Variants in MS4A13 observed in about 807,000 individuals in gnomAD.
The protein encoded by MS4A13 is membrane-spanning 4-domains subfamily A member 13.
MS4A13 carries 21 observed loss-of-function variants against 18.4 expected under a neutral mutation model. The observed-to-expected ratio is 1.14, with a 90% confidence interval of 0.81 to 1.64. The LOEUF (loss-of-function observed/expected upper bound fraction) is 1.64. Among genes scored for constraint, MS4A13 ranks in the 40% most tolerant of loss-of-function variants. The probability of loss-of-function intolerance (pLI) is 0.00; values close to 1 mark genes in which losing one functional copy is unlikely to be tolerated. For synonymous variants in MS4A13, 62 were observed against 57.2 expected, an observed-to-expected ratio of 1.08 and a Z score of -0.38; for missense variants, 173 against 176.8, an observed-to-expected ratio of 0.98 and a Z score of 0.12.
At chr11:60,527,863 A>G (rs2086731560) in intron 5 of MS4A13, among the ~76,000 whole-genome samples, 2 of 152,192 alleles carry the variant, frequency 1.3e-5, no homozygotes, top group Admixed American at 1.3e-4. Context: ...AAAATTAAAA[A>G]AAATAAGGAA....
chr11:60,533,242 C>A, intron 6 of MS4A13, among the ~76,000 whole-genome samples: 2 of 48,398 alleles, frequency 4.1e-5, no homozygotes, highest in African/African-American at 1.2e-4. Flanking sequence ...GGAGGACATT[C>A]AAACCAAAGG....
rs373423561 is a variant in MS4A13 at position 60,532,189 on chromosome 11, C to G, written c.402+2729C>G. On this transcript the variant is annotated intron_variant, in intron 6 of 6. Coordinates refer to ENST00000378186, the MANE Select transcript of MS4A13 (RefSeq NM_001012417.3). ...AGGAGCCAAGATGGCCGAATAGGAACAGCTCCGGTCTACAGCTCCCAGCAT... is the reference window on the plus strand; with the variant it reads ...AGGAGCCAAGATGGCCGAATAGGAAGAGCTCCGGTCTACAGCTCCCAGCAT... 1.1e-3 allele frequency among the ~76,000 whole-genome samples: 167 copies of G among 152,354 alleles called. 3 individuals carry two copies. In the East Asian group the frequency reaches 0.027, roughly 25 times the overall value.
chr11:60,520,428 G>C (rs749380452), intron 3 of MS4A13, among the ~76,000 whole-genome samples: 1 of 152,174 alleles, frequency 6.6e-6, no homozygotes, highest in Non-Finnish European at 1.5e-5. Context: ...AAAATCAATA[G>C]CAAGTTAGTT....
rs1201569883 is a variant in MS4A13, at chr11:60,529,327, T to C, written c.307-38T>C. On this transcript the variant is annotated intron_variant, in intron 5 of 6. Transcript: ENST00000378186. ...TGATCATGTTTGCACTCACTAAAGATAATAGCATTAAGATTTCTCCCTGTT... is the reference window on the plus strand; with the variant it reads ...TGATCATGTTTGCACTCACTAAAGACAATAGCATTAAGATTTCTCCCTGTT... 3 of 1,074,230 alleles carry C rather than the reference T, an allele frequency of 2.8e-6. No individual in the cohort carries two copies. In the South Asian group the frequency reaches 4.0e-5, roughly 14 times the overall value. 66.5% of individuals were successfully genotyped at this position (1,074,230 alleles called of 1,614,324 possible).
In MS4A13 at chr11:60,542,689, C is replaced by A. The variant is rs985408100; in HGVS notation, c.*114C>A. On this transcript the variant is annotated 3_prime_UTR_variant, in exon 7 of 7. Coordinates refer to ENST00000378186, the MANE Select transcript of MS4A13 (RefSeq NM_001012417.3). Reference sequence around the variant, plus strand: ...TACAGATTTTGTGCAAAATAAAATACAAACAAGGTGAATTTTTCTCCTCAT... The same window carrying A: ...TACAGATTTTGTGCAAAATAAAATAAAAACAAGGTGAATTTTTCTCCTCAT... 1 of 576,722 alleles carries A rather than the reference C, an allele frequency of 1.7e-6. No individual in the cohort carries two copies. The highest frequency in any genetic ancestry group is 3.3e-5 in the Admixed American group (1 of 30,592). The allele number at this position is 576,722 out of a possible 1,614,324, so 35.7% of individuals were successfully genotyped here. A position where few individuals can be genotyped will look rare whatever the true frequency, so the allele number is the denominator to read the frequency against.
intron 6 of MS4A13, among the ~76,000 whole-genome samples, chr11:60,539,207 A>T (rs1029738111): frequency 2.1e-5 from 3 of 145,636 alleles, no homozygotes; most frequent in Non-Finnish European, 4.6e-5. Context: ...AAAAAAAAAA[A>T]ATTTAGTAAA....
At chr11:60,524,573 T>C (rs6591596) in intron 4 of MS4A13, among the ~76,000 whole-genome samples, 145,171 of 152,076 alleles carry the variant, frequency 0.95, 69,660 homozygotes, top group East Asian at 1. Flanking sequence ...TTTCCACTTT[T>C]TTTTTTTTCT....
intron 3 of MS4A13, among the ~76,000 whole-genome samples, chr11:60,521,046 G>A (rs1189187623): frequency 6.6e-6 from 1 of 152,218 alleles, no homozygotes; most frequent in Non-Finnish European, 1.5e-5. Flanking sequence ...CGCACCCTCT[G>A]AGGCCATGGC....
Position 60,523,138 on chromosome 11 carries a change from G to A in MS4A13, c.130-759G>A, listed in dbSNP as rs1261497702. On this transcript the variant is annotated intron_variant, in intron 3 of 6. Transcript: ENST00000378186. Reference sequence around the variant, plus strand: ...AGCTTTTGTTGTGGAATGAAGTGCTGAACAAATAGATTTAAAATTATCCAT... The same window carrying A: ...AGCTTTTGTTGTGGAATGAAGTGCTAAACAAATAGATTTAAAATTATCCAT... Among the ~76,000 whole-genome samples the A allele has an allele frequency of 4.6e-5, 7 of 152,266 alleles. No homozygotes were observed. The South Asian group carries it at 6.2e-4, about 14-fold the overall frequency.
chr11:60,532,516 G>T (rs1408462795), intron 6 of MS4A13, among the ~76,000 whole-genome samples: 1 of 152,238 alleles, frequency 6.6e-6, no homozygotes, highest in South Asian at 2.1e-4. Context: ...GGCTCAGAGG[G>T]TCCTACGCCC....
chr11:60,522,001 T>C (rs1469735095), intron 3 of MS4A13, among the ~76,000 whole-genome samples: 2 of 152,096 alleles, frequency 1.3e-5, no homozygotes, highest in African/African-American at 2.4e-5. Context: ...AGAGGGCTTG[T>C]GCAGGGAAAC....
intron 6 of MS4A13, among the ~76,000 whole-genome samples, chr11:60,542,285 GAGAA>G (rs971967109): frequency 3.4e-5 from 5 of 145,252 alleles, no homozygotes; most frequent in African/African-American, 5.1e-5. Flanking sequence ...AAGAAAGAAA[GAGAA>G]AGAAAGAAGA....
chr11:60,529,561 A>G, intron 6 of MS4A13, 101 bp downstream of exon 6: 1 of 523,960 alleles, frequency 1.9e-6, no homozygotes, highest in Non-Finnish European at 3.2e-6. Flanking sequence ...ATTTAGAACT[A>G]ATATAAATGG....
intron 3 of MS4A13, among the ~76,000 whole-genome samples, chr11:60,522,234 A>ATATATATC (rs1402742805): frequency 0.014 from 1,513 of 108,630 alleles, 36 homozygotes; most frequent in Admixed American, 0.04. Flanking sequence ...ATAGATAGAT[A>ATATATATC]GATAGATGTA....
Position 60,532,323 on chromosome 11 carries a change from C to T in MS4A13, c.402+2863C>T, listed in dbSNP as rs573271278. Among the ~76,000 whole-genome samples, 49 of 152,290 alleles carry T rather than the reference C, an allele frequency of 3.2e-4. No individual in the cohort carries two copies. In the East Asian group the frequency reaches 4.6e-3, roughly 14 times the overall value. On this transcript the variant is annotated intron_variant, in intron 6 of 6. Transcript: ENST00000378186. ...CAGGCCAGTGTGTGCACGCACCGTG[C>T]GCGAGCCGAAGCAGGGCGAGGCATT...
At chr11:60,538,585 T>TA (rs71470094) in intron 6 of MS4A13, among the ~76,000 whole-genome samples, 38 of 149,992 alleles carry the variant, frequency 2.5e-4, no homozygotes, top group African/African-American at 6.4e-4. Context: ...GAAATAAAAA[T>TA]AAAAAAAAAA....
intron 2 of MS4A13, among the ~76,000 whole-genome samples, 185 bp downstream of exon 2, chr11:60,516,269 T>C (rs762761379): frequency 6.6e-6 from 1 of 152,042 alleles, no homozygotes; most frequent in African/African-American, 2.4e-5. Flanking sequence ...TGCTGAGATA[T>C]GGGGATACAG....
intron 5 of MS4A13, among the ~76,000 whole-genome samples, chr11:60,526,884 G>T (rs1156272222): frequency 6.6e-6 from 1 of 152,182 alleles, no homozygotes. Flanking sequence ...AGTACTCACT[G>T]TGTGTAAACC....
chr11:60,541,026 A>C (rs1169133473), intron 6 of MS4A13, among the ~76,000 whole-genome samples: 1 of 152,106 alleles, frequency 6.6e-6, no homozygotes, highest in Non-Finnish European at 1.5e-5. Flanking sequence ...AAAATGTCAG[A>C]TATAAATCTA....
Sources: allele counts gnomAD v4.1 joint callset (sites outside exome capture counted in the v4.1 genomes callset), GRCh38; gene constraint gnomAD v4.1.1; transcripts MANE v1.5; gene names NCBI Gene and HGNC (gene_info 2026-07-23, HGNC 2026-07-21).